GSDMC: variants seen among roughly 807,000 people sequenced by gnomAD.
GSDMC encodes the protein gasdermin C.
A neutral mutation model predicts 58.0 loss-of-function variants in GSDMC; 59 were observed. The observed-to-expected ratio is 1.02, with a 90% CI of 0.82 to 1.26. GSDMC has a LOEUF of 1.26. Among genes scored for constraint, GSDMC ranks in the 50% most tolerant of loss-of-function variants. GSDMC has a pLI of 0.00. For synonymous variants in GSDMC, 241 were observed against 220.2 expected (o/e 1.09, Z -0.83); for missense variants, 659 against 598.5 (o/e 1.10, Z -1.06).
At chr8:129,752,592 A>G (rs1353758352) in intron 7 of GSDMC, 106 bp downstream of exon 7, 2 of 1,481,134 alleles carry the variant, frequency 1.4e-6, no homozygotes, top group African/African-American at 1.4e-5. Flanking sequence ...GTGCAATAGA[A>G]GCCTACATGG....
At chr8:129,725,079 T>G in the GSDMC span, among the ~76,000 whole-genome samples, 7 of 152,212 alleles carry the variant, frequency 4.6e-5, no homozygotes, top group Non-Finnish European at 7.3e-5. Flanking sequence ...TCCTGTCCTC[T>G]GCTAGCCTGA....
chr8:129,720,491 A>G, the GSDMC span, among the ~76,000 whole-genome samples: 1 of 152,172 alleles, frequency 6.6e-6, no homozygotes, highest in African/African-American at 2.4e-5. Context: ...ACATAAATAT[A>G]TTGTGTATGA....
chr8:129,735,825 A>T, the GSDMC span, among the ~76,000 whole-genome samples: 1 of 152,220 alleles, frequency 6.6e-6, no homozygotes, highest in Admixed American at 6.5e-5. Flanking sequence ...ACTAAAGGAG[A>T]TAGAGACACA....
At chr8:129,783,309 G>C (rs925538526) in intron 1 of GSDMC, among the ~76,000 whole-genome samples, 1 of 152,046 alleles carries the variant, frequency 6.6e-6, no homozygotes, top group Non-Finnish European at 1.5e-5. Context: ...AATTGTCCTT[G>C]TTTGTGGATG....
the GSDMC span, among the ~76,000 whole-genome samples, chr8:129,732,289 T>TAAAA: frequency 7.1e-6 from 1 of 140,782 alleles, no homozygotes; most frequent in Non-Finnish European, 1.5e-5. Context: ...CTTTATAAAT[T>TAAAA]AAAAAAAAAA....
In GSDMC at chr8:129,781,244, T is replaced by C. The variant is rs192596324; in HGVS notation, c.-4-3653A>G. ...ATCTAAAGACATAGAGTGGTTGAAT[T>C]AATTAAAAAAACAAGACCCAATGAT... On this transcript the variant is annotated intron_variant, in intron 1 of 13. Coordinates refer to ENST00000276708, the MANE Select transcript of GSDMC (RefSeq NM_031415.3). 1.8e-3 allele frequency among the ~76,000 whole-genome samples: 274 copies of C among 152,134 alleles called. 2 individuals carry two copies. The highest frequency in any genetic ancestry group is 6.3e-3 in the African/African-American group (260 of 41,538).
chr8:129,730,042 G>T, the GSDMC span: 1 of 1,204,688 alleles, frequency 8.3e-7, no homozygotes, highest in Non-Finnish European at 1.2e-6. Flanking sequence ...AGGAAAAGGA[G>T]TATTCCTTGA....
intron 10 of GSDMC, among the ~76,000 whole-genome samples, chr8:129,751,072 G>T (rs895221050): frequency 6.6e-6 from 1 of 152,108 alleles, no homozygotes; most frequent in South Asian, 2.1e-4. Flanking sequence ...AGGAATTTAA[G>T]ACCAGCCTGG....
At chr8:129,732,871 G>A in the GSDMC span, among the ~76,000 whole-genome samples, 2 of 152,208 alleles carry the variant, frequency 1.3e-5, no homozygotes, top group Admixed American at 6.5e-5. Flanking sequence ...CCTCATCCAG[G>A]AAGTGCAAGG....
At chr8:129,740,038 CA>C in the GSDMC span, among the ~76,000 whole-genome samples, 1 of 151,146 alleles carries the variant, frequency 6.6e-6, no homozygotes, top group East Asian at 1.9e-4. Flanking sequence ...TCATTTTTAA[CA>C]AAAAGTTTAC....
intron 3 of GSDMC, among the ~76,000 whole-genome samples, chr8:129,770,733 A>T (rs2034019575): frequency 6.6e-6 from 1 of 152,126 alleles, no homozygotes; most frequent in Non-Finnish European, 1.5e-5. Context: ...GAAAGAAAAA[A>T]ACTATAAAAG....
the GSDMC span, among the ~76,000 whole-genome samples, chr8:129,727,182 C>T: frequency 6.6e-6 from 1 of 152,090 alleles, no homozygotes; most frequent in Non-Finnish European, 1.5e-5. Flanking sequence ...TTAGAGTGAG[C>T]CCTAAATCCA....
At chr8:129,753,910 T>C (rs1200742110) in intron 6 of GSDMC, among the ~76,000 whole-genome samples, 1 of 152,166 alleles carries the variant, frequency 6.6e-6, no homozygotes, top group Non-Finnish European at 1.5e-5. Flanking sequence ...AGAGCTCCTC[T>C]ACCTGTGAAA....
chr8:129,714,689 C>A, the GSDMC span, among the ~76,000 whole-genome samples: 2 of 148,640 alleles, frequency 1.3e-5, no homozygotes, highest in East Asian at 4.1e-4. Flanking sequence ...GGCCAAAATC[C>A]TCTAAAATGA....
At chr8:129,779,887 T>C (rs573934727) in intron 1 of GSDMC, among the ~76,000 whole-genome samples, 54 of 151,908 alleles carry the variant, frequency 3.6e-4, no homozygotes, top group African/African-American at 1.3e-3. Flanking sequence ...AGATAACACA[T>C]AAAAGGAACT....
chr8:129,770,523 A>G (rs2034013658), intron 3 of GSDMC, among the ~76,000 whole-genome samples: 1 of 152,128 alleles, frequency 6.6e-6, no homozygotes, highest in Non-Finnish European at 1.5e-5. Context: ...TGAAACCCTC[A>G]AAAAAATTAA....
chr8:129,763,739 G>T (rs914966263), intron 4 of GSDMC, among the ~76,000 whole-genome samples: 2 of 152,016 alleles, frequency 1.3e-5, no homozygotes, highest in African/African-American at 4.8e-5. Flanking sequence ...ACCGCACCTG[G>T]CTAATTTTTT....
chr8:129,767,799 C>T lies in GSDMC; in HGVS notation c.405-2006G>A, dbSNP rs753087871. Among the ~76,000 whole-genome samples, 17 of 152,168 alleles carry T rather than the reference C, an allele frequency of 1.1e-4. No individual in the cohort carries two copies. In the East Asian group the frequency reaches 2.7e-3, roughly 24 times the overall value. ...GCTCCATCTGAATATGGCATTCAGCCAGCATCACACCCAGTCAGGGAGCAC... is the reference window on the plus strand; with the variant it reads ...GCTCCATCTGAATATGGCATTCAGCTAGCATCACACCCAGTCAGGGAGCAC... On this transcript the variant is annotated intron_variant, in intron 3 of 13. Coordinates refer to ENST00000276708, the MANE Select transcript of GSDMC (RefSeq NM_031415.3).
At chr8:129,741,923 TATATATATATATATAC>T in the GSDMC span, among the ~76,000 whole-genome samples, 502 of 146,492 alleles carry the variant, frequency 3.4e-3, 11 homozygotes, top group African/African-American at 0.012. Context: ...GTAATATATA[TATATATATATATATAC>T]ATGAAATAAT....
Sources: gnomAD v4.1 joint callset for allele counts (sites outside exome capture counted in the v4.1 genomes callset) on GRCh38, gnomAD v4.1.1 for gene constraint, MANE v1.5 for transcripts, NCBI Gene and HGNC (gene_info 2026-07-23, HGNC 2026-07-21) for gene names.